Variants in OPCML observed in about 807,000 individuals in gnomAD.
OPCML encodes the protein opioid-binding protein/cell adhesion molecule.
In OPCML, 13 loss-of-function variants were observed where a neutral mutation model predicts 37.8. The ratio of observed to expected loss-of-function variants is 0.34; its 90% CI spans 0.22 to 0.55. OPCML has a LOEUF of 0.55. OPCML is among the 20% of genes least tolerant of loss of function. The probability of loss-of-function intolerance (pLI) is 0.91; values close to 1 mark genes in which losing one functional copy is unlikely to be tolerated. For synonymous variants in OPCML, 176 were observed against 168.8 expected (o/e 1.04, Z -0.33); for missense variants, 341 against 435.6 (o/e 0.78, Z 1.93).
intron 1 of OPCML, among the ~76,000 whole-genome samples, chr11:133,114,397 T>C (rs748635732): frequency 3.3e-5 from 5 of 152,160 alleles, no homozygotes; most frequent in African/African-American, 4.8e-5. Flanking sequence ...TCATACAAAA[T>C]CCTATCAGCA....
chr11:133,008,956 T>C lies in OPCML; in HGVS notation c.62-65946A>G, dbSNP rs1000116862. On this transcript the variant is annotated intron_variant, in intron 1 of 7. Transcript: ENST00000524381. The stretch of plus-strand genomic sequence containing the variant: ...ACAGCAAGAAGACTGAGCAATTTTC[T>C]ACATTACTGAGGAGATTAGCATGGA... The C allele has an allele frequency of 6.1e-6, 6 of 985,334 alleles. No homozygotes were observed. The African/African-American group carries it at 8.7e-5, about 14-fold the overall frequency. The allele number at this position is 985,334 out of a possible 1,614,324, so 61.0% of individuals were successfully genotyped here.
intron 2 of OPCML, among the ~76,000 whole-genome samples, chr11:132,810,073 A>T (rs562044248): frequency 2.6e-5 from 4 of 152,064 alleles, no homozygotes; most frequent in African/African-American, 4.8e-5. Context: ...ATGGACTCGA[A>T]GTCCTAACCT....
chr11:133,475,210 GGT>G (rs906344382), intron 1 of OPCML, among the ~76,000 whole-genome samples: 21 of 128,030 alleles, frequency 1.6e-4, no homozygotes, highest in South Asian at 5.0e-4. Flanking sequence ...TTGTTTTTGT[GGT>G]TTTTTTTTGT....
intron 1 of OPCML, among the ~76,000 whole-genome samples, chr11:133,141,009 C>A (rs1239713137): frequency 0.14 from 845 of 6,104 alleles, 381 homozygotes; most frequent in Non-Finnish European, 0.22. Flanking sequence ...ACGACGACGA[C>A]GACGACGACG....
intron 1 of OPCML, among the ~76,000 whole-genome samples, chr11:133,508,827 T>C (rs1948094171): frequency 1.3e-5 from 2 of 152,168 alleles, no homozygotes; most frequent in African/African-American, 4.8e-5. Context: ...GAGTCAAGAA[T>C]GAACACTTGC....
intron 1 of OPCML, among the ~76,000 whole-genome samples, chr11:133,056,449 G>A (rs774122970): frequency 5.9e-5 from 9 of 152,180 alleles, no homozygotes; most frequent in African/African-American, 1.7e-4. Flanking sequence ...ATCTCTAATC[G>A]TGGAGAGAAT....
chr11:132,661,013 G>A (rs1941952366), intron 2 of OPCML, among the ~76,000 whole-genome samples: 2 of 152,160 alleles, frequency 1.3e-5, no homozygotes, highest in Non-Finnish European at 2.9e-5. Context: ...GGTTGAGGGT[G>A]CATAGAACCA....
intron 3 of OPCML, among the ~76,000 whole-genome samples, chr11:132,534,671 T>C (rs916174377): frequency 1.8e-4 from 28 of 152,296 alleles, no homozygotes; most frequent in African/African-American, 6.7e-4. Flanking sequence ...TGAAGTCCAA[T>C]AGACCTGCTT....
intron 1 of OPCML, among the ~76,000 whole-genome samples, chr11:133,011,202 C>G (rs989140331): frequency 2.0e-5 from 3 of 152,220 alleles, no homozygotes; most frequent in African/African-American, 7.2e-5. Context: ...GTGTCAAGCA[C>G]ATGGGATCAG....
intron 2 of OPCML, among the ~76,000 whole-genome samples, chr11:132,854,838 C>A (rs540177433): frequency 4.1e-4 from 62 of 152,314 alleles, no homozygotes; most frequent in Non-Finnish European, 7.5e-4. Context: ...ACTGCCTTTG[C>A]AAAGATTATG....
In OPCML at chr11:132,456,720, A is replaced by G. The variant is rs1592202820; in HGVS notation, c.506-19361T>C. On this transcript the variant is annotated intron_variant, in intron 4 of 7. Transcript: ENST00000524381. ...GTAGTGAACACGTAAAGTGCATTGG[A>G]CTTGTCAGAGGAAGTTATCAAATAA... Among the ~76,000 whole-genome samples, 3 of 152,328 alleles carry G rather than the reference A, an allele frequency of 2.0e-5. 1 individual carries two copies. The highest frequency in any genetic ancestry group is 6.8e-3 in the Middle Eastern group (2 of 294).
rs530110510 is a variant in OPCML, at chr11:133,293,734, T to C, written c.61+238530A>G. On this transcript the variant is annotated intron_variant, in intron 1 of 7. Coordinates refer to ENST00000524381, the MANE Select transcript of OPCML (RefSeq NM_001012393.5). ...AAGGCTGAGATACATCACACAACAG[T>C]GATCTTAAGGTCTGATCTGGAAGAG... Among the ~76,000 whole-genome samples the C allele has an allele frequency of 1.9e-3, 291 of 152,234 alleles. 2 individuals are homozygous for C. Among genetic ancestry groups the C allele is most frequent in the Non-Finnish European group, 2.1e-3 (140 of 68,022 alleles).
chr11:132,772,799 G>A (rs778354835), intron 2 of OPCML: 1 of 152,168 alleles, frequency 6.6e-6, no homozygotes, highest in Non-Finnish European at 1.5e-5. Flanking sequence ...GGCCCCCGAG[G>A]GATCTTTTCC....
chr11:133,352,872 A>G (rs752013217), intron 1 of OPCML, among the ~76,000 whole-genome samples: 1 of 152,170 alleles, frequency 6.6e-6, no homozygotes, highest in African/African-American at 2.4e-5. Flanking sequence ...AAACTTCATG[A>G]CCTTGGGACA....
intron 1 of OPCML, among the ~76,000 whole-genome samples, chr11:133,309,505 C>T (rs1943016651): frequency 6.6e-6 from 1 of 152,112 alleles, no homozygotes; most frequent in Non-Finnish European, 1.5e-5. Context: ...CAGAAGAAGA[C>T]ACGACAACTA....
intron 1 of OPCML, among the ~76,000 whole-genome samples, chr11:133,221,052 C>T (rs1487635642): frequency 2.0e-5 from 3 of 152,168 alleles, no homozygotes; most frequent in Non-Finnish European, 2.9e-5. Context: ...TTTTTAGATC[C>T]CCAAACTATT....
chr11:132,489,646 C>T (rs1054782930), intron 4 of OPCML, among the ~76,000 whole-genome samples: 1 of 151,820 alleles, frequency 6.6e-6, no homozygotes, highest in Non-Finnish European at 1.5e-5. Flanking sequence ...ATGGGACCAC[C>T]GTTCTGTCTG....
intron 1 of OPCML, among the ~76,000 whole-genome samples, chr11:133,388,369 G>T (rs1039167512): frequency 6.6e-6 from 1 of 152,134 alleles, no homozygotes; most frequent in African/African-American, 2.4e-5. Flanking sequence ...GACCCTTGAG[G>T]AATGAGCTGG....
At chr11:132,515,935 G>GT (rs1187247628) in intron 4 of OPCML, among the ~76,000 whole-genome samples, 1 of 152,158 alleles carries the variant, frequency 6.6e-6, no homozygotes, top group Admixed American at 6.5e-5. Context: ...ACTGGATGGC[G>GT]TAAGATGGTA....
Sources: gnomAD v4.1 joint callset for allele counts (sites outside exome capture counted in the v4.1 genomes callset) on GRCh38, gnomAD v4.1.1 for gene constraint, MANE v1.5 for transcripts, NCBI Gene and HGNC (gene_info 2026-07-23, HGNC 2026-07-21) for gene names.